RELN: variants seen among roughly 807,000 people sequenced by gnomAD.
RELN encodes reelin.
Under a neutral mutation model 427.6 loss-of-function variants are expected in RELN, and 108 were observed. That is an observed-to-expected ratio of 0.25 (90% CI 0.22 to 0.30). The LOEUF (loss-of-function observed/expected upper bound fraction) is 0.30. Among genes scored for constraint, RELN ranks in the 10% least tolerant of loss-of-function variants. The pLI, the probability that RELN is intolerant of heterozygous loss-of-function variation, is 1.00. For missense variants in RELN, 3,715 were observed against 4,302.8 expected, an observed-to-expected ratio of 0.86 and a Z score of 3.82; for synonymous variants, 1,524 against 1,513.4, an observed-to-expected ratio of 1.01 and a Z score of -0.16.
chr7:103,918,765 G>A (rs1795544892), intron 1 of RELN, among the ~76,000 whole-genome samples: 1 of 151,922 alleles, frequency 6.6e-6, no homozygotes, highest in African/African-American at 2.4e-5. Flanking sequence ...AGCCCCACTT[G>A]GAAAAGCCAC....
intron 8 of RELN, among the ~76,000 whole-genome samples, chr7:103,719,038 G>T (rs548697388): frequency 2.3e-4 from 35 of 152,172 alleles, no homozygotes; most frequent in African/African-American, 7.9e-4. Flanking sequence ...AGAGAAAGAG[G>T]TTCTTTTGCA....
intron 19 of RELN, among the ~76,000 whole-genome samples, chr7:103,631,282 A>ACTT (rs1269181526): frequency 2.0e-5 from 2 of 101,406 alleles, no homozygotes; most frequent in East Asian, 2.9e-4. Context: ...CTTTAAAAAC[A>ACTT]CTTCTTTTTT....
At chr7:103,516,660 G>A (rs758963022) in intron 49 of RELN, among the ~76,000 whole-genome samples, 1 of 151,960 alleles carries the variant, frequency 6.6e-6, no homozygotes, top group Non-Finnish European at 1.5e-5. Context: ...ATGCCTTTTC[G>A]TGTTTGCAGA....
At chr7:103,934,138 T>C (rs1220948704) in intron 1 of RELN, among the ~76,000 whole-genome samples, 1 of 152,192 alleles carries the variant, frequency 6.6e-6, no homozygotes, top group Non-Finnish European at 1.5e-5. Context: ...CCATGTTGCA[T>C]GACACTTCCA....
chr7:103,763,770 G>A (rs1425885698), intron 4 of RELN, among the ~76,000 whole-genome samples: 7 of 151,982 alleles, frequency 4.6e-5, no homozygotes, highest in African/African-American at 1.7e-4. Context: ...AGATGACGTT[G>A]GAGAGAGAGA....
chr7:103,887,572 A>G (rs1794752154), intron 2 of RELN, among the ~76,000 whole-genome samples: 1 of 152,224 alleles, frequency 6.6e-6, no homozygotes, highest in Non-Finnish European at 1.5e-5. Context: ...GTGGGGGTGT[A>G]ACACGATCAT....
chr7:103,903,849 TG>T (rs1164933946), intron 2 of RELN, among the ~76,000 whole-genome samples: 2 of 135,668 alleles, frequency 1.5e-5, no homozygotes, highest in Non-Finnish European at 3.2e-5. Context: ...TTTTTGTTTT[TG>T]TTTTTTTTTA....
intron 14 of RELN, among the ~76,000 whole-genome samples, chr7:103,652,063 G>A (rs960966778): frequency 9.9e-5 from 15 of 151,968 alleles, no homozygotes; most frequent in Non-Finnish European, 2.1e-4. Context: ...TAGGTGGCAA[G>A]GCAATTACCA....
At chr7:103,534,895 T>C (rs1830016111) in intron 46 of RELN, among the ~76,000 whole-genome samples, 1 of 152,328 alleles carries the variant, frequency 6.6e-6, no homozygotes, top group Non-Finnish European at 1.5e-5. Context: ...ATTTGCTACA[T>C]TCATTTATAG....
At chr7:103,568,670 T>C (rs1830815618) in intron 31 of RELN, among the ~76,000 whole-genome samples, 1 of 152,212 alleles carries the variant, frequency 6.6e-6, no homozygotes, top group Admixed American at 6.5e-5. Context: ...CTTTTTAGTG[T>C]GATATTGGAT....
chr7:103,647,450 T>C (rs1387407920), intron 16 of RELN, among the ~76,000 whole-genome samples: 2 of 151,482 alleles, frequency 1.3e-5, no homozygotes. Context: ...TCAATCCCAT[T>C]TACAATAGCT....
chr7:103,655,490 A>T (rs1467444015), intron 12 of RELN, among the ~76,000 whole-genome samples: 1 of 152,098 alleles, frequency 6.6e-6, no homozygotes, highest in Non-Finnish European at 1.5e-5. Context: ...CTAGTAAAAT[A>T]CACAAATAAT....
chr7:103,581,867 C>A (rs1831158673), intron 28 of RELN, among the ~76,000 whole-genome samples: 1 of 151,954 alleles, frequency 6.6e-6, no homozygotes, highest in African/African-American at 2.4e-5. Context: ...CTTACCAACT[C>A]ATCAACTGAG....
At position 103,497,908 on chromosome 7, in the gene RELN, C is replaced by T; in HGVS notation, c.8862G>A (p.Gly2954=). The T allele has an allele frequency of 6.2e-7, 1 of 1,613,972 alleles. No homozygotes were observed. The highest frequency in any genetic ancestry group is 8.5e-7 in the Non-Finnish European group (1 of 1,179,908). The change falls in exon 55 of 65, where the codon GGG becomes GGA. Residue 2954 remains glycine (G), a synonymous_variant. Transcript: ENST00000428762. Reference sequence around the variant, plus strand: ...TCATGTTGTTCTCACTACCGATGCGCCCCCAGTATTGCAGGAACCTGAATG... The same window carrying T: ...TCATGTTGTTCTCACTACCGATGCGTCCCCAGTATTGCAGGAACCTGAATG... ...LRGAKFLQYW[G]RIGSENNMTS...
chr7:103,755,566 C>T (rs1472027233), intron 4 of RELN, among the ~76,000 whole-genome samples: 1 of 145,098 alleles, frequency 6.9e-6, no homozygotes, highest in African/African-American at 2.6e-5. Flanking sequence ...TAAGATCGCG[C>T]CACCGCACTC....
rs1830932359 is a variant in RELN, at chr7:103,573,637, C to A, written c.4511+455G>T. ...ATTTGATCTTAAAAACCAAACAGTT[C>A]TTTATTTTACCAGTAGGTGTCAGTG... On this transcript the variant is annotated intron_variant, in intron 30 of 64. Coordinates refer to ENST00000428762, the MANE Select transcript of RELN (RefSeq NM_005045.4). The surrounding 1 kb of genome is among the most constrained non-coding windows in gnomAD (Gnocchi z 4.4). Among the ~76,000 whole-genome samples, 2 of 152,140 alleles carry A rather than the reference C, an allele frequency of 1.3e-5. No individual in the cohort carries two copies. The highest frequency in any genetic ancestry group is 4.1e-4 in the South Asian group (2 of 4,820).
intron 1 of RELN, among the ~76,000 whole-genome samples, chr7:103,976,466 C>T (rs1317376938): frequency 6.6e-6 from 1 of 152,146 alleles, no homozygotes; most frequent in African/African-American, 2.4e-5. Flanking sequence ...GAGGCAATGG[C>T]AAATTCTGGG....
At chr7:103,665,430 C>T (rs1368564714) in intron 11 of RELN, among the ~76,000 whole-genome samples, 1 of 150,202 alleles carries the variant, frequency 6.7e-6, no homozygotes, top group African/African-American at 2.4e-5. Context: ...TCCCTCTGTC[C>T]CTCAGCCACA....
At chr7:103,642,468 T>C (rs547894690) in intron 16 of RELN, among the ~76,000 whole-genome samples, 12 of 148,038 alleles carry the variant, frequency 8.1e-5, no homozygotes, top group Admixed American at 7.6e-4. Context: ...AAACCTCACA[T>C]AGAATGATAA....
Sources: gnomAD v4.1 joint callset for allele counts (sites outside exome capture counted in the v4.1 genomes callset) on GRCh38, gnomAD v4.1.1 for gene constraint, Gnocchi (gnomAD v3.1) non-coding constraint, MANE v1.5 for transcripts, NCBI Gene and HGNC (gene_info 2026-07-23, HGNC 2026-07-21) for gene names.